Variants in STK33 observed in about 807,000 individuals in gnomAD.
The protein encoded by STK33 is serine/threonine-protein kinase 33.
In STK33, 52 loss-of-function variants were observed where a neutral mutation model predicts 58.0. The ratio of observed to expected loss-of-function variants is 0.90; its 90% CI spans 0.72 to 1.13. The LOEUF is 1.13. Ranked by LOEUF, STK33 falls within the 50% of genes most tolerant of loss-of-function variation. The pLI is 0.00. For missense variants in STK33, 630 were observed against 604.2 expected, an observed-to-expected ratio of 1.04 and a Z score of -0.45; for synonymous variants, 215 against 200.1, an observed-to-expected ratio of 1.07 and a Z score of -0.63.
At chr11:8,421,294 T>A (rs1465790951) in intron 14 of STK33, among the ~76,000 whole-genome samples, 1 of 152,202 alleles carries the variant, frequency 6.6e-6, no homozygotes, top group East Asian at 1.9e-4. Context: ...AGTCCCTGAT[T>A]CCTTTGGAGT....
At chr11:8,404,328 T>G (rs1938691452) in intron 15 of STK33, among the ~76,000 whole-genome samples, 1 of 152,214 alleles carries the variant, frequency 6.6e-6, no homozygotes, top group Non-Finnish European at 1.5e-5. Context: ...ATCTGAAGTG[T>G]ACAGTTTGAT....
chr11:8,547,757 G>C (rs1028894812), intron 1 of STK33, among the ~76,000 whole-genome samples: 3 of 151,902 alleles, frequency 2.0e-5, no homozygotes, highest in African/African-American at 4.8e-5. Flanking sequence ...CGCTTTTGTT[G>C]CCTGTGCTTT....
rs959148383 is a variant in STK33 at position 8,475,013 on chromosome 11, A to G, written c.-108T>C. 1.1e-4 allele frequency: 107 copies of G among 998,744 alleles called. No individual in the cohort carries two copies. The highest frequency in any genetic ancestry group is 1.4e-4 in the Non-Finnish European group (95 of 685,294). The allele number at this position is 998,744 out of a possible 1,614,324, so 61.9% of individuals were successfully genotyped here. ...TTGATGGTGAAAACTGTAATTTCGA[A>G]CTGGTGAAGTCCTCAGGTTAAGGAT... On this transcript the variant is annotated 5_prime_UTR_variant, in exon 5 of 16. Transcript: ENST00000687296.
intron 15 of STK33, among the ~76,000 whole-genome samples, chr11:8,405,157 C>T (rs11826221): frequency 0.13 from 20,372 of 152,076 alleles, 1,765 homozygotes; most frequent in African/African-American, 0.24. Context: ...AAAGTAAATG[C>T]CAAACTATAT....
At chr11:8,414,212 T>C (rs1292078866) in intron 14 of STK33, among the ~76,000 whole-genome samples, 1 of 152,222 alleles carries the variant, frequency 6.6e-6, no homozygotes, top group African/African-American at 2.4e-5. Context: ...AAGATTTAAA[T>C]ATAATGTGGT....
At chr11:8,484,755 T>A (rs1950083198) in intron 1 of STK33, among the ~76,000 whole-genome samples, 1 of 152,222 alleles carries the variant, frequency 6.6e-6, no homozygotes, top group African/African-American at 2.4e-5. Context: ...AAAGGAGGCA[T>A]CTGTATCCAC....
chr11:8,507,954 G>A (rs576304213), intron 1 of STK33, among the ~76,000 whole-genome samples: 6 of 152,092 alleles, frequency 3.9e-5, no homozygotes, highest in Non-Finnish European at 7.4e-5. Flanking sequence ...GCAATGGCAC[G>A]ATCTCGGCTC....
chr11:8,464,596 G>A, intron 7 of STK33, 113 bp downstream of exon 7: 2 of 671,580 alleles, frequency 3.0e-6, no homozygotes, highest in Non-Finnish European at 5.0e-6. Context: ...GATCAGCCCA[G>A]GCCTGGGACC....
At chr11:8,464,459 T>G (rs1947928134) in intron 7 of STK33, among the ~76,000 whole-genome samples, 1 of 152,174 alleles carries the variant, frequency 6.6e-6, no homozygotes, top group Admixed American at 6.5e-5. Context: ...TGGTAAAATT[T>G]ACCTATTTTT....
At chr11:8,404,160 T>C (rs1938652113) in intron 15 of STK33, among the ~76,000 whole-genome samples, 1 of 152,160 alleles carries the variant, frequency 6.6e-6, no homozygotes, top group African/African-American at 2.4e-5. Context: ...AGAAGAAAAA[T>C]TGACTTCCAA....
intron 1 of STK33, among the ~76,000 whole-genome samples, chr11:8,490,247 G>A (rs1048047820): frequency 7.2e-5 from 11 of 152,172 alleles, no homozygotes; most frequent in African/African-American, 1.9e-4. Context: ...CTTAGCAAAC[G>A]GCACACCAGG....
rs561299386 is a variant in STK33 at position 8,495,943 on chromosome 11, T to G, written c.-465-15329A>C. ...GCGGGGAATATCACACACTGGGGCC[T>G]GTCATGGGGTGGGGGGCTGGGAGAG... On this transcript the variant is annotated intron_variant, in intron 1 of 15. Coordinates refer to ENST00000687296, the MANE Select transcript of STK33 (RefSeq NM_001352389.2). Among the ~76,000 whole-genome samples, 12 of 148,364 alleles carry G rather than the reference T, an allele frequency of 8.1e-5. No homozygotes were observed. The East Asian group carries it at 2.4e-3, about 29-fold the overall frequency.
intron 12 of STK33, among the ~76,000 whole-genome samples, chr11:8,438,071 T>C (rs1383015800): frequency 6.6e-6 from 1 of 152,204 alleles, no homozygotes. Context: ...TATCAACCAG[T>C]GATATGCACA....
intron 8 of STK33, 35 bp downstream of exon 8, chr11:8,461,770 C>T: frequency 6.8e-7 from 1 of 1,469,136 alleles, no homozygotes; most frequent in Admixed American, 2.3e-5. Flanking sequence ...GTAATAATAA[C>T]AACTTTCAAA....
the STK33 span, among the ~76,000 whole-genome samples, chr11:8,374,493 G>C: frequency 6.6e-6 from 1 of 152,222 alleles, no homozygotes; most frequent in Admixed American, 6.5e-5. Flanking sequence ...CTGCCTTGCA[G>C]ATGGCCACCT....
intron 1 of STK33, among the ~76,000 whole-genome samples, chr11:8,559,469 A>G (rs897012186): frequency 6.6e-6 from 1 of 152,190 alleles, no homozygotes; most frequent in Non-Finnish European, 1.5e-5. Context: ...CTGAACCGCT[A>G]TTTTTAGCAT....
the STK33 span, among the ~76,000 whole-genome samples, chr11:8,337,435 C>T: frequency 3.3e-5 from 5 of 152,200 alleles, no homozygotes; most frequent in Admixed American, 2.6e-4. Flanking sequence ...CTGGTGGCAG[C>T]CAACAGGGCC....
the STK33 span, among the ~76,000 whole-genome samples, chr11:8,352,734 A>G: frequency 6.6e-6 from 1 of 152,202 alleles, no homozygotes; most frequent in African/African-American, 2.4e-5. Context: ...GGTGGCTGCA[A>G]TTAATATAAA....
intron 1 of STK33, among the ~76,000 whole-genome samples, chr11:8,555,408 AATC>A (rs1044575914): frequency 4.8e-4 from 73 of 152,348 alleles, no homozygotes; most frequent in African/African-American, 1.8e-3. Context: ...TCCCACCTGT[AATC>A]CTAGCACACT....
Sources: gnomAD v4.1 joint callset for allele counts (sites outside exome capture counted in the v4.1 genomes callset) on GRCh38, gnomAD v4.1.1 for gene constraint, MANE v1.5 for transcripts, NCBI Gene and HGNC (gene_info 2026-07-23, HGNC 2026-07-21) for gene names.